Variants in INPP4B observed in about 807,000 individuals in gnomAD.
INPP4B encodes inositol polyphosphate-4-phosphatase type II B.
In INPP4B, 55 loss-of-function variants were observed where a neutral mutation model predicts 122.5. The observed-to-expected ratio is 0.45, with a 90% CI of 0.36 to 0.56. The LOEUF (loss-of-function observed/expected upper bound fraction) is 0.56. INPP4B is among the 20% of genes least tolerant of loss of function. The pLI is 0.00. For synonymous variants in INPP4B, 403 were observed against 388.7 expected (o/e 1.04, Z -0.43); for missense variants, 1,000 against 1,097.7 (o/e 0.91, Z 1.26).
At chr4:142,092,329 C>T (rs1031597895) in intron 23 of INPP4B, among the ~76,000 whole-genome samples, 1 of 151,588 alleles carries the variant, frequency 6.6e-6, no homozygotes, top group African/African-American at 2.4e-5. Flanking sequence ...CTTACTTTAT[C>T]ACCCAGGCTG....
At chr4:142,591,755 T>C (rs1021396475) in intron 2 of INPP4B, among the ~76,000 whole-genome samples, 11 of 152,160 alleles carry the variant, frequency 7.2e-5, no homozygotes, top group African/African-American at 2.7e-4. Context: ...ATGAGAATTG[T>C]CCTCCTCAAA....
chr4:142,207,579 A>G (rs1008485457), intron 14 of INPP4B, among the ~76,000 whole-genome samples: 3 of 152,122 alleles, frequency 2.0e-5, no homozygotes, highest in African/African-American at 4.8e-5. Context: ...GGCCCCCTAA[A>G]AGATGGGTAT....
At chr4:142,574,962 T>G (rs1733540672) in intron 2 of INPP4B, among the ~76,000 whole-genome samples, 1 of 152,046 alleles carries the variant, frequency 6.6e-6, no homozygotes. Flanking sequence ...TGAATGAAAA[T>G]GTAGGTTTAG....
chr4:142,234,073 T>C (rs2149896917), intron 12 of INPP4B, among the ~76,000 whole-genome samples: 1 of 152,296 alleles, frequency 6.6e-6, no homozygotes, highest in African/African-American at 2.4e-5. Flanking sequence ...AGCCTGATTT[T>C]AGCATGTAAA....
intron 1 of INPP4B, among the ~76,000 whole-genome samples, chr4:142,795,799 T>C (rs1777166182): frequency 1.3e-5 from 2 of 152,124 alleles, no homozygotes; most frequent in South Asian, 4.1e-4. Context: ...CTACAACCAA[T>C]ACAAATAAAT....
chr4:142,566,123 A>C (rs1731567239), intron 2 of INPP4B: 1 of 152,190 alleles, frequency 6.6e-6, no homozygotes, highest in Admixed American at 6.5e-5. Flanking sequence ...GATCCATTTA[A>C]AGACTTTACA....
intron 7 of INPP4B, among the ~76,000 whole-genome samples, chr4:142,391,942 G>C (rs1165822813): frequency 6.6e-6 from 1 of 152,132 alleles, no homozygotes; most frequent in African/African-American, 2.4e-5. Context: ...CCATGGAAGA[G>C]GGCTGATGTT....
At chr4:142,050,330 A>G (rs1753815736) in intron 25 of INPP4B, among the ~76,000 whole-genome samples, 1 of 152,012 alleles carries the variant, frequency 6.6e-6, no homozygotes, top group Admixed American at 6.6e-5. Context: ...GGGGATTGTA[A>G]CCAAAAGGAT....
chr4:142,367,989 C>A (rs530611379), intron 7 of INPP4B, among the ~76,000 whole-genome samples: 134 of 152,218 alleles, frequency 8.8e-4, no homozygotes, highest in Non-Finnish European at 1.5e-3. Flanking sequence ...TTTCCTGTCC[C>A]TCCGTATTAA....
chr4:142,709,203 A>G (rs754120954), intron 2 of INPP4B, among the ~76,000 whole-genome samples: 32 of 152,186 alleles, frequency 2.1e-4, no homozygotes, highest in Non-Finnish European at 1.6e-4. Flanking sequence ...ATTGTATCTT[A>G]GAAGTAACTA....
At chr4:142,326,988 G>A (rs937031592) in intron 7 of INPP4B, among the ~76,000 whole-genome samples, 2 of 152,164 alleles carry the variant, frequency 1.3e-5, no homozygotes, top group African/African-American at 4.8e-5. Flanking sequence ...CCATGGCTGT[G>A]TGCCTCTTCA....
chr4:142,334,399 A>C (rs1316385344), intron 7 of INPP4B, among the ~76,000 whole-genome samples: 1 of 152,170 alleles, frequency 6.6e-6, no homozygotes, highest in Non-Finnish European at 1.5e-5. Context: ...ATTGTGAATA[A>C]TGCTGCAATG....
intron 1 of INPP4B, among the ~76,000 whole-genome samples, chr4:142,777,773 A>G (rs2151018272): frequency 6.6e-6 from 1 of 152,272 alleles, no homozygotes; most frequent in South Asian, 2.1e-4. Context: ...CAGAACACAA[A>G]GTTCTGGCTG....
At chr4:142,668,864 T>C (rs1269656649) in intron 2 of INPP4B, among the ~76,000 whole-genome samples, 5 of 150,750 alleles carry the variant, frequency 3.3e-5, no homozygotes, top group African/African-American at 1.2e-4. Context: ...CTGGCTAACA[T>C]GGTGAAACCC....
chr4:142,445,837 A>G (rs1220360844), intron 3 of INPP4B, among the ~76,000 whole-genome samples: 2 of 152,190 alleles, frequency 1.3e-5, no homozygotes, highest in African/African-American at 4.8e-5. Flanking sequence ...TAACAAGTGC[A>G]TTTTCTGACC....
chr4:142,265,594 A>G (rs757528925), intron 10 of INPP4B, among the ~76,000 whole-genome samples: 7 of 152,232 alleles, frequency 4.6e-5, no homozygotes, highest in Non-Finnish European at 1.5e-5. Context: ...GGGCCTTACT[A>G]TATATCTCAA....
rs550771086 is a variant in INPP4B, at chr4:142,800,221, C to A, written c.-254+45988G>T. ...TTAGGTTGAATGTACGTACAGCAAC[C>A]TTAGCAATAACAGAAATAGCAATCT... On this transcript the variant is annotated intron_variant, in intron 1 of 25. Coordinates refer to ENST00000262992, the MANE Select transcript of INPP4B (RefSeq NM_001101669.3). 2.0e-5 allele frequency among the ~76,000 whole-genome samples: 3 copies of A among 152,158 alleles called. No homozygotes were observed. In the South Asian group the frequency reaches 6.2e-4, roughly 32 times the overall value.
At chr4:142,259,438 C>T (rs530082753) in intron 11 of INPP4B, among the ~76,000 whole-genome samples, 4 of 151,114 alleles carry the variant, frequency 2.6e-5, no homozygotes, top group East Asian at 1.9e-4. Flanking sequence ...GAGAAGGGCG[C>T]GTGGGTAAGT....
intron 6 of INPP4B, among the ~76,000 whole-genome samples, 165 bp from the exon 7 acceptor site, chr4:142,403,219 A>G (rs1204474839): frequency 1.3e-5 from 2 of 152,232 alleles, no homozygotes; most frequent in Non-Finnish European, 1.5e-5. Flanking sequence ...TTGGGCAACA[A>G]CATGGCCCAG....
Sources: gnomAD v4.1 joint callset for allele counts (sites outside exome capture counted in the v4.1 genomes callset) on GRCh38, gnomAD v4.1.1 for gene constraint, MANE v1.5 for transcripts, NCBI Gene and HGNC (gene_info 2026-07-23, HGNC 2026-07-21) for gene names.